Variants in PDE4B observed in about 807,000 individuals in gnomAD.
PDE4B encodes the protein 3',5'-cyclic-AMP phosphodiesterase 4B.
PDE4B carries 20 observed loss-of-function variants against 82.2 expected under a neutral mutation model. That is an observed-to-expected ratio of 0.24 (90% CI 0.17 to 0.35). The LOEUF (loss-of-function observed/expected upper bound fraction) is 0.35, where lower values mean the gene tolerates loss of function less well. PDE4B is among the 10% of genes least tolerant of loss of function. PDE4B has a pLI of 1.00. For missense variants in PDE4B, 655 were observed against 907.2 expected, an observed-to-expected ratio of 0.72 and a Z score of 3.57; for synonymous variants, 320 against 318.9, an observed-to-expected ratio of 1.00 and a Z score of -0.04.
At chr1:66,170,331 G>C (rs1646814503) in intron 3 of PDE4B, among the ~76,000 whole-genome samples, 2 of 152,080 alleles carry the variant, frequency 1.3e-5, no homozygotes, top group African/African-American at 2.4e-5. Flanking sequence ...AAAATTATAT[G>C]ATTTTTAGGA....
chr1:66,358,674 CAAA>C (rs11433160), intron 9 of PDE4B, among the ~76,000 whole-genome samples: 3 of 112,602 alleles, frequency 2.7e-5, no homozygotes, highest in African/African-American at 3.5e-5. Flanking sequence ...AACTCTGTCT[CAAA>C]AAAAAAAAAA....
intron 3 of PDE4B, among the ~76,000 whole-genome samples, chr1:66,011,537 T>A (rs892808526): frequency 6.6e-6 from 1 of 152,110 alleles, no homozygotes; most frequent in Non-Finnish European, 1.5e-5. Flanking sequence ...AAATTTTATT[T>A]GTAGGGCATT....
At chr1:66,013,257 G>T (rs1274876871) in intron 3 of PDE4B, among the ~76,000 whole-genome samples, 1 of 151,926 alleles carries the variant, frequency 6.6e-6, no homozygotes, top group Non-Finnish European at 1.5e-5. Flanking sequence ...AACTGATTTT[G>T]CCATCATTTG....
Position 66,365,667 on chromosome 1 carries a change from G to C in PDE4B, c.1285G>C (p.Ala429Pro). The stretch of plus-strand genomic sequence containing the variant: ...TTAAATGTGTTTATTTGCCCGACAG[G>C]CTGTCTTCACAGATTTGGAGATCCT... ...HVLLSTPALD[A>P]VFTDLEILAA... Residue 429 changes from alanine to proline, a missense_variant and splice_region_variant, in exon 13 of 17, where the codon GCT becomes CCT. Transcript: ENST00000341517. 1 of 1,596,250 alleles carries C rather than the reference G, an allele frequency of 6.3e-7. No individual in the cohort carries two copies. Among genetic ancestry groups the C allele is most frequent in the African/African-American group, 1.3e-5 (1 of 74,640 alleles).
intron 1 of PDE4B, among the ~76,000 whole-genome samples, chr1:65,863,462 G>A (rs1375508105): frequency 6.6e-6 from 1 of 152,198 alleles, no homozygotes; most frequent in Non-Finnish European, 1.5e-5. Context: ...ATGTGTTGCT[G>A]AGAAGAATGT....
intron 3 of PDE4B, among the ~76,000 whole-genome samples, chr1:66,199,802 A>G (rs575761524): frequency 2.6e-5 from 4 of 151,922 alleles, no homozygotes; most frequent in African/African-American, 4.8e-5. Context: ...CTGCAGCAAC[A>G]TAGGTTGATG....
At chr1:65,932,765 G>T (rs1035450871) in intron 3 of PDE4B, among the ~76,000 whole-genome samples, 2 of 152,006 alleles carry the variant, frequency 1.3e-5, no homozygotes, top group African/African-American at 2.4e-5. Context: ...GTACCAAAAA[G>T]AATTTGTAGA....
intron 9 of PDE4B, among the ~76,000 whole-genome samples, chr1:66,361,181 T>C (rs963607568): frequency 6.6e-6 from 1 of 152,188 alleles, no homozygotes; most frequent in African/African-American, 2.4e-5. Flanking sequence ...TTTATTAATC[T>C]GATGGACATT....
chr1:66,186,004 A>T (rs1364955307), intron 3 of PDE4B, among the ~76,000 whole-genome samples: 1 of 152,176 alleles, frequency 6.6e-6, no homozygotes, highest in African/African-American at 2.4e-5. Flanking sequence ...TCTTGAATTA[A>T]TTTTTGTATA....
chr1:66,229,374 G>A (rs1651761755), intron 3 of PDE4B, among the ~76,000 whole-genome samples: 1 of 152,182 alleles, frequency 6.6e-6, no homozygotes, highest in African/African-American at 2.4e-5. Context: ...TCAGCCTCAG[G>A]CAGAGCAGGA....
At chr1:66,263,518 A>G (rs1654831496) in intron 6 of PDE4B, among the ~76,000 whole-genome samples, 1 of 152,218 alleles carries the variant, frequency 6.6e-6, no homozygotes, top group African/African-American at 2.4e-5. Flanking sequence ...TCTACATTCT[A>G]TTAACATTTT....
chr1:66,056,246 CT>C (rs1203988007), intron 3 of PDE4B, among the ~76,000 whole-genome samples: 2 of 151,870 alleles, frequency 1.3e-5, no homozygotes, highest in African/African-American at 4.8e-5. Context: ...TCTTTCAGAC[CT>C]TTTCTCTATT....
intron 3 of PDE4B, among the ~76,000 whole-genome samples, chr1:66,213,994 C>T (rs1336682561): frequency 2.0e-5 from 3 of 152,156 alleles, no homozygotes; most frequent in Admixed American, 1.3e-4. Flanking sequence ...CCAAACTTTT[C>T]TGCCAGCCAT....
At chr1:66,294,746 G>GA (rs1657380973) in intron 7 of PDE4B, among the ~76,000 whole-genome samples, 1 of 151,914 alleles carries the variant, frequency 6.6e-6, no homozygotes, top group Admixed American at 6.6e-5. Context: ...ACAGTAAAGG[G>GA]AAAATCAAAG....
intron 3 of PDE4B, among the ~76,000 whole-genome samples, chr1:66,007,835 T>G (rs1652237113): frequency 6.6e-6 from 1 of 152,156 alleles, no homozygotes; most frequent in Non-Finnish European, 1.5e-5. Flanking sequence ...CATTTGCAGA[T>G]GAGAAAGTTG....
At chr1:65,937,172 G>A (rs1384721524) in intron 3 of PDE4B, among the ~76,000 whole-genome samples, 18 of 152,172 alleles carry the variant, frequency 1.2e-4, no homozygotes, top group Admixed American at 1.2e-3. Context: ...TTCTGTAAAT[G>A]TTTCAGTTGG....
At chr1:66,244,413 A>C (rs939806867) in intron 3 of PDE4B, among the ~76,000 whole-genome samples, 30 of 152,200 alleles carry the variant, frequency 2.0e-4, no homozygotes, top group African/African-American at 6.8e-4. Context: ...AAATTACCCT[A>C]AACAAATAAT....
intron 7 of PDE4B, among the ~76,000 whole-genome samples, chr1:66,272,305 AG>A (rs1220002787): frequency 6.6e-6 from 1 of 152,228 alleles, no homozygotes; most frequent in African/African-American, 2.4e-5. Context: ...GATCGAAGTT[AG>A]GGAGACATCT....
intron 9 of PDE4B, among the ~76,000 whole-genome samples, chr1:66,358,850 A>C (rs1431508730): frequency 6.6e-6 from 1 of 152,144 alleles, no homozygotes; most frequent in Non-Finnish European, 1.5e-5. Context: ...TCCAGGGAGG[A>C]GGGAAATCCC....
Sources: gnomAD v4.1 joint callset for allele counts (sites outside exome capture counted in the v4.1 genomes callset) on GRCh38, gnomAD v4.1.1 for gene constraint, MANE v1.5 for transcripts, NCBI Gene and HGNC (gene_info 2026-07-23, HGNC 2026-07-21) for gene names.